DDC: variants seen among roughly 807,000 people sequenced by gnomAD.
DDC encodes the protein dopa decarboxylase.
In DDC, 43 loss-of-function variants were observed where a neutral mutation model predicts 60.0. The observed-to-expected ratio is 0.72, with a 90% CI of 0.56 to 0.92. The LOEUF is 0.92. DDC is among the 40% of genes least tolerant of loss of function. DDC has a pLI of 0.00. For synonymous variants in DDC, 232 were observed against 234.6 expected (o/e 0.99, Z 0.10); for missense variants, 573 against 620.2 (o/e 0.92, Z 0.81).
chr7:50,534,897 C>T (rs1194199096), intron 4 of DDC, among the ~76,000 whole-genome samples: 1 of 152,194 alleles, frequency 6.6e-6, no homozygotes, highest in Non-Finnish European at 1.5e-5. Flanking sequence ...GTGCAGCTGA[C>T]AGAGCACTGG....
At chr7:50,510,161 G>A (rs570271245) in intron 6 of DDC, among the ~76,000 whole-genome samples, 1 of 151,922 alleles carries the variant, frequency 6.6e-6, no homozygotes, top group African/African-American at 2.4e-5. Context: ...ATTTTCAGTA[G>A]AGAAGGGGTT....
intron 7 of DDC, among the ~76,000 whole-genome samples, chr7:50,502,471 A>C (rs1473637157): frequency 6.6e-6 from 1 of 152,236 alleles, no homozygotes; most frequent in Non-Finnish European, 1.5e-5. Flanking sequence ...TGGCCAGGAC[A>C]TTCAGTTCTT....
intron 6 of DDC, among the ~76,000 whole-genome samples, chr7:50,523,715 G>A (rs1271530656): frequency 6.6e-6 from 1 of 152,166 alleles, no homozygotes; most frequent in African/African-American, 2.4e-5. Flanking sequence ...AACATTCATT[G>A]TGGGAATGCA....
At chr7:50,561,954 A>G (rs1411961311) in intron 1 of DDC, among the ~76,000 whole-genome samples, 1 of 151,962 alleles carries the variant, frequency 6.6e-6, no homozygotes, top group Non-Finnish European at 1.5e-5. Context: ...TAGCACATGC[A>G]TATATGCATG....
chr7:50,529,796 C>A (rs2153546112), intron 4 of DDC, among the ~76,000 whole-genome samples: 1 of 152,200 alleles, frequency 6.6e-6, no homozygotes, highest in East Asian at 1.9e-4. Context: ...CTAAGAGATG[C>A]CTTAAAGGGT....
intron 6 of DDC, among the ~76,000 whole-genome samples, chr7:50,513,949 T>C (rs2043657009): frequency 6.6e-6 from 1 of 151,804 alleles, no homozygotes; most frequent in South Asian, 2.1e-4. Context: ...TGCCCACCAC[T>C]GGGCCCTCTC....
chr7:50,461,062 T>A (rs947210222), intron 14 of DDC, among the ~76,000 whole-genome samples: 4 of 151,184 alleles, frequency 2.6e-5, no homozygotes, highest in African/African-American at 9.7e-5. Flanking sequence ...AAAAAATAAA[T>A]AAATAAATAA....
intron 13 of DDC, among the ~76,000 whole-genome samples, chr7:50,465,867 G>A (rs992692420): frequency 6.6e-6 from 1 of 152,220 alleles, no homozygotes; most frequent in African/African-American, 2.4e-5. Context: ...TGGATGGACT[G>A]AGGCTCCTCC....
At chr7:50,460,988 C>T (rs1366045336) in intron 14 of DDC, among the ~76,000 whole-genome samples, 3 of 151,342 alleles carry the variant, frequency 2.0e-5, no homozygotes, top group Non-Finnish European at 4.4e-5. Flanking sequence ...CCTCCCTCCA[C>T]TATTGTCCTA....
In DDC at chr7:50,509,508, T is replaced by C. The variant is rs527843451; in HGVS notation, c.715-5449A>G. 2.0e-5 allele frequency among the ~76,000 whole-genome samples: 3 copies of C among 152,358 alleles called. No homozygotes were observed. In the East Asian group the frequency reaches 5.8e-4, roughly 29 times the overall value. On this transcript the variant is annotated intron_variant, in intron 6 of 14. Transcript: ENST00000444124. ...CTCCAGCAATGGCACTATTTACTCT[T>C]CTTTCCTTCACAGGCAAACTTCTTT... is the stretch of plus-strand genomic sequence containing the variant.
chr7:50,488,744 C>T (rs1185928439), intron 9 of DDC, among the ~76,000 whole-genome samples: 1 of 152,000 alleles, frequency 6.6e-6, no homozygotes, highest in Admixed American at 6.6e-5. Flanking sequence ...ATTGTTAGAA[C>T]AACTAAATTT....
chr7:50,538,566 T>C (rs1254151800), intron 3 of DDC, among the ~76,000 whole-genome samples: 1 of 152,002 alleles, frequency 6.6e-6, no homozygotes, highest in Non-Finnish European at 1.5e-5. Context: ...GTGAGAAGAG[T>C]GCATTCTCCC....
intron 9 of DDC, among the ~76,000 whole-genome samples, chr7:50,487,379 A>G (rs1235885415): frequency 2.0e-5 from 3 of 152,170 alleles, no homozygotes; most frequent in Non-Finnish European, 4.4e-5. Flanking sequence ...TTAGTAGTGT[A>G]TCGTAGGATG....
chr7:50,522,978 A>G (rs1308535152), intron 6 of DDC, among the ~76,000 whole-genome samples: 1 of 152,186 alleles, frequency 6.6e-6, no homozygotes, highest in Non-Finnish European at 1.5e-5. Flanking sequence ...CACTATCATG[A>G]GAACAGCAAG....
intron 14 of DDC, 69 bp from the exon 15 acceptor site, chr7:50,458,912 C>G (rs2042182258): frequency 6.6e-6 from 1 of 151,614 alleles, no homozygotes; most frequent in African/African-American, 2.4e-5. Context: ...CTCTCCCTCT[C>G]CCTCTCCCTC....
intron 9 of DDC, 66 bp from the exon 10 acceptor site, chr7:50,479,929 C>T: frequency 7.6e-7 from 1 of 1,308,262 alleles, no homozygotes. Flanking sequence ...CCTCTCCCCT[C>T]TCCCCACCTG....
chr7:50,466,976 C>T (rs1312970232), intron 13 of DDC, among the ~76,000 whole-genome samples: 1 of 152,224 alleles, frequency 6.6e-6, no homozygotes, highest in Non-Finnish European at 1.5e-5. Flanking sequence ...ATTCTGCGGC[C>T]AATAAGCTAT....
intron 1 of DDC, among the ~76,000 whole-genome samples, chr7:50,546,706 C>T (rs1412674077): frequency 6.6e-6 from 1 of 152,206 alleles, no homozygotes; most frequent in Non-Finnish European, 1.5e-5. Context: ...GTTTTTATGT[C>T]ATTTCAAGGC....
chr7:50,471,724 C>T (rs562563098), intron 11 of DDC, among the ~76,000 whole-genome samples: 14 of 152,172 alleles, frequency 9.2e-5, no homozygotes, highest in Non-Finnish European at 1.8e-4. Context: ...GCCGAACCTG[C>T]ACACACAGTT....
Sources: allele counts gnomAD v4.1 joint callset (sites outside exome capture counted in the v4.1 genomes callset), GRCh38; gene constraint gnomAD v4.1.1; transcripts MANE v1.5; gene names NCBI Gene and HGNC (gene_info 2026-07-23, HGNC 2026-07-21).